The following NDST3 variants were observed in gnomAD, a reference collection of about 807,000 sequenced individuals.
NDST3 encodes bifunctional heparan sulfate N-deacetylase/N-sulfotransferase 3.
NDST3 carries 58 observed loss-of-function variants against 96.1 expected under a neutral mutation model. The observed-to-expected ratio is 0.60, with a 90% confidence interval of 0.49 to 0.75. The LOEUF (loss-of-function observed/expected upper bound fraction) is 0.75, where lower values mean the gene tolerates loss of function less well. Ranked by LOEUF, NDST3 falls within the 30% of genes least tolerant of loss-of-function variation. NDST3 has a pLI of 0.00. For missense variants in NDST3, 788 were observed against 1,034.2 expected (o/e 0.76, Z 3.27); for synonymous variants, 333 against 359.7 (o/e 0.93, Z 0.84).
chr4:118,120,236 A>G (rs892699968), intron 4 of NDST3, among the ~76,000 whole-genome samples: 1 of 152,084 alleles, frequency 6.6e-6, no homozygotes, highest in Non-Finnish European at 1.5e-5. Context: ...CTGCCATTGA[A>G]AAGATCAGTT....
intron 8 of NDST3, among the ~76,000 whole-genome samples, chr4:118,232,325 T>G (rs1319692280): frequency 3.3e-5 from 5 of 152,094 alleles, no homozygotes; most frequent in Non-Finnish European, 7.4e-5. Flanking sequence ...GGCAGGTGAT[T>G]TTCCATTAAG....
intron 4 of NDST3, among the ~76,000 whole-genome samples, chr4:118,127,333 T>C (rs1732193482): frequency 6.6e-6 from 1 of 152,022 alleles, no homozygotes; most frequent in African/African-American, 2.4e-5. Context: ...TGAGGTCTTA[T>C]GTTTAAGTCT....
intron 6 of NDST3, among the ~76,000 whole-genome samples, chr4:118,151,324 A>G (rs1214701417): frequency 6.6e-6 from 1 of 152,166 alleles, no homozygotes; most frequent in Non-Finnish European, 1.5e-5. Context: ...CCAGCATGGT[A>G]CATGTATACA....
intron 6 of NDST3, among the ~76,000 whole-genome samples, chr4:118,171,515 T>G (rs1192956516): frequency 4.0e-5 from 6 of 149,286 alleles, no homozygotes; most frequent in Admixed American, 6.6e-5. Flanking sequence ...GGTTTTTTTG[T>G]CTGGTTGCTT....
At chr4:118,193,561 C>T in intron 6 of NDST3, 1 of 1,075,630 alleles carries the variant, frequency 9.3e-7, no homozygotes, top group Non-Finnish European at 1.4e-6. Context: ...AGAGCGTCTT[C>T]TCCCAGGCAA....
intron 1 of NDST3, among the ~76,000 whole-genome samples, chr4:118,051,363 T>C (rs1301893619): frequency 2.0e-5 from 3 of 152,226 alleles, no homozygotes; most frequent in Non-Finnish European, 2.9e-5. Context: ...AATTTTTGGC[T>C]AAGTCCCCAA....
intron 6 of NDST3, among the ~76,000 whole-genome samples, chr4:118,163,549 A>G (rs1470156842): frequency 6.6e-6 from 1 of 152,070 alleles, no homozygotes; most frequent in Non-Finnish European, 1.5e-5. Context: ...GGAACTGAAC[A>G]ATGAGAACAC....
At chr4:118,255,108 G>C (rs1316291643) in intron 13 of NDST3, among the ~76,000 whole-genome samples, 1 of 152,166 alleles carries the variant, frequency 6.6e-6, no homozygotes, top group Non-Finnish European at 1.5e-5. Context: ...AAATGTTTAA[G>C]AGACACTGCA....
At chr4:118,245,800 C>A (rs1037906257) in intron 12 of NDST3, among the ~76,000 whole-genome samples, 4 of 151,994 alleles carry the variant, frequency 2.6e-5, no homozygotes, top group Admixed American at 2.6e-4. Flanking sequence ...TCTCTCTCTT[C>A]ATAAAAACAC....
chr4:118,154,509 T>C (rs1734604761), intron 6 of NDST3, among the ~76,000 whole-genome samples: 1 of 152,202 alleles, frequency 6.6e-6, no homozygotes, highest in African/African-American at 2.4e-5. Context: ...TAAAACTACA[T>C]TTGGCAGAGT....
At position 118,175,034 on chromosome 4, in the gene NDST3, C is replaced by T. The variant is rs17049649; in HGVS notation, c.1539+31350C>T. ...CTGACCACGTACAGTCTACAGAGGACTTCATGCTACCTTGATAATACCCCG... is the reference window on the plus strand; with the variant it reads ...CTGACCACGTACAGTCTACAGAGGATTTCATGCTACCTTGATAATACCCCG... On this transcript the variant is annotated intron_variant, in intron 6 of 13. Transcript: ENST00000296499. Among the ~76,000 whole-genome samples, 501 of 152,254 alleles carry T rather than the reference C, an allele frequency of 3.3e-3. 2 individuals are homozygous for T. The highest frequency in any genetic ancestry group is 0.011 in the African/African-American group (474 of 41,546).
At chr4:118,194,067 G>A in intron 6 of NDST3, 1 of 1,450,220 alleles carries the variant, frequency 6.9e-7, no homozygotes. Context: ...TAGGCATTTG[G>A]TGGGATTTGG....
chr4:118,146,153 T>A (rs1486901394), intron 6 of NDST3, among the ~76,000 whole-genome samples: 2 of 152,224 alleles, frequency 1.3e-5, no homozygotes, highest in African/African-American at 4.8e-5. Flanking sequence ...CATTTTTTAT[T>A]AGGCCAGGAT....
chr4:118,174,520 A>C (rs1040385766), intron 6 of NDST3, among the ~76,000 whole-genome samples: 2 of 152,136 alleles, frequency 1.3e-5, no homozygotes, highest in African/African-American at 4.8e-5. Context: ...ACTAACTATC[A>C]TTGTACAGAG....
chr4:118,132,361 G>A (rs1389428958), intron 4 of NDST3, among the ~76,000 whole-genome samples: 1 of 152,028 alleles, frequency 6.6e-6, no homozygotes, highest in African/African-American at 2.4e-5. Flanking sequence ...GCAGCCCTTG[G>A]CAGGGTTCTG....
At chr4:118,067,720 G>C (rs1578571963) in intron 2 of NDST3, among the ~76,000 whole-genome samples, 1 of 152,182 alleles carries the variant, frequency 6.6e-6, no homozygotes, top group East Asian at 1.9e-4. Flanking sequence ...TATGTTCACT[G>C]CTCCGTACTT....
intron 6 of NDST3, among the ~76,000 whole-genome samples, chr4:118,198,592 C>T (rs1737852810): frequency 6.6e-6 from 1 of 152,168 alleles, no homozygotes; most frequent in Non-Finnish European, 1.5e-5. Flanking sequence ...GTAGTTTACA[C>T]ACCACATTTA....
intron 4 of NDST3, among the ~76,000 whole-genome samples, chr4:118,125,518 TATC>T (rs1453385604): frequency 6.6e-6 from 1 of 152,078 alleles, no homozygotes; most frequent in East Asian, 1.9e-4. Context: ...TAACTGTGTC[TATC>T]ATATTTTAGG....
At chr4:118,177,169 G>A (rs1199650057) in intron 6 of NDST3, among the ~76,000 whole-genome samples, 1 of 151,970 alleles carries the variant, frequency 6.6e-6, no homozygotes, top group East Asian at 1.9e-4. Flanking sequence ...CAGGGTTGTG[G>A]CAAAGAACAA....
Sources: gnomAD v4.1 joint callset for allele counts (sites outside exome capture counted in the v4.1 genomes callset) on GRCh38, gnomAD v4.1.1 for gene constraint, MANE v1.5 for transcripts, NCBI Gene and HGNC (gene_info 2026-07-23, HGNC 2026-07-21) for gene names.